The following GLCCI1 variants were observed in gnomAD, a reference collection of about 807,000 sequenced individuals.
GLCCI1 encodes the protein glucocorticoid induced 1.
In GLCCI1, 24 loss-of-function variants were observed where a neutral mutation model predicts 52.2. That is an observed-to-expected ratio of 0.46 (90% CI 0.33 to 0.65). The LOEUF (loss-of-function observed/expected upper bound fraction) is 0.65. Among genes scored for constraint, GLCCI1 ranks in the 30% least tolerant of loss-of-function variants. GLCCI1 has a pLI of 0.02. For synonymous variants in GLCCI1, 310 were observed against 276.5 expected, an observed-to-expected ratio of 1.12 and a Z score of -1.20; for missense variants, 704 against 701.5, an observed-to-expected ratio of 1.00 and a Z score of -0.04.
At chr7:8,077,816 T>G (rs71533388) in intron 6 of GLCCI1, among the ~76,000 whole-genome samples, 18 of 152,154 alleles carry the variant, frequency 1.2e-4, no homozygotes, top group Non-Finnish European at 2.4e-4. Context: ...ACAGAAGGAA[T>G]AGTCTTTATA....
chr7:8,074,190 T>C (rs1397368996), intron 6 of GLCCI1, among the ~76,000 whole-genome samples: 2 of 152,202 alleles, frequency 1.3e-5, no homozygotes, highest in Non-Finnish European at 2.9e-5. Flanking sequence ...TTAAGGAATT[T>C]ATAGTGTAGT....
At chr7:7,998,740 C>A (rs2115422693) in intron 1 of GLCCI1, among the ~76,000 whole-genome samples, 1 of 152,234 alleles carries the variant, frequency 6.6e-6, no homozygotes, top group South Asian at 2.1e-4. Flanking sequence ...TTTGAAGGAG[C>A]TGACTACATG....
intron 1 of GLCCI1, among the ~76,000 whole-genome samples, chr7:7,986,604 T>C (rs1583947759): frequency 6.6e-6 from 1 of 152,352 alleles, no homozygotes; most frequent in Admixed American, 6.5e-5. Flanking sequence ...TCAACAAATT[T>C]TACTCTATAT....
At chr7:8,078,651 T>C (rs1197947642) in intron 6 of GLCCI1, 3 of 151,956 alleles carry the variant, frequency 2.0e-5, no homozygotes, top group Admixed American at 1.3e-4. Context: ...ACCACAGGTA[T>C]AGGGCAAAGA....
chr7:8,004,303 C>T (rs566357892), intron 2 of GLCCI1: 75 of 298,106 alleles, frequency 2.5e-4, no homozygotes, highest in South Asian at 1.4e-4. Context: ...GTTGTAGACA[C>T]GTTGTAATTT....
At chr7:8,012,612 T>G (rs1453025802) in intron 2 of GLCCI1, among the ~76,000 whole-genome samples, 3 of 151,262 alleles carry the variant, frequency 2.0e-5, no homozygotes, top group East Asian at 3.9e-4. Flanking sequence ...GCCCGGCTAA[T>G]TTTTTGTATT....
chr7:8,069,023 C>T (rs374168627), intron 5 of GLCCI1, among the ~76,000 whole-genome samples: 2 of 152,176 alleles, frequency 1.3e-5, no homozygotes, highest in South Asian at 2.1e-4. Context: ...ATTGCAGCTG[C>T]GCTCCCTGTC....
chr7:8,086,344 GGCCAGAGCTC>G lies in GLCCI1; in HGVS notation c.1451_1460del (p.Gly484GlufsTer6). 6.2e-7 allele frequency: 1 copy of G among 1,613,808 alleles called. No homozygotes were observed. Among genetic ancestry groups the G allele is most frequent in the Non-Finnish European group, 8.5e-7 (1 of 1,179,938 alleles). On this transcript the variant is annotated frameshift_variant, in exon 8 of 8. Coordinates refer to ENST00000223145, the MANE Select transcript of GLCCI1 (RefSeq NM_138426.4). LOFTEE classifies it high-confidence loss of function. The surrounding 1 kb of genome is among the most constrained non-coding windows in gnomAD (Gnocchi z 4.4). ...TATGCTCAAGAACTCCCCTAACTCT[GGCCAGAGCTC>G]AGCTTTGGCAACTCTGACCGTTGAG...
At chr7:8,067,908 TG>T (rs1782667380) in intron 5 of GLCCI1, among the ~76,000 whole-genome samples, 1 of 152,124 alleles carries the variant, frequency 6.6e-6, no homozygotes, top group African/African-American at 2.4e-5. Context: ...TTAGTGTGGG[TG>T]GGGAAGTTTT....
chr7:8,049,027 A>G (rs1782197800), intron 3 of GLCCI1, among the ~76,000 whole-genome samples: 1 of 152,320 alleles, frequency 6.6e-6, no homozygotes, highest in African/African-American at 2.4e-5. Flanking sequence ...AAATTGAAAA[A>G]GATAGATTTA....
chr7:8,064,853 G>A lies in GLCCI1; in HGVS notation c.966+4605G>A, dbSNP rs113607103. ...CTCCCGAGCAGCTGGCACTACAAGC[G>A]TGTGCCACCATGCCCAGCGAATTTT... On this transcript the variant is annotated intron_variant, in intron 5 of 7. Transcript: ENST00000223145. 3.4e-4 allele frequency among the ~76,000 whole-genome samples: 51 copies of A among 152,136 alleles called. 1 individual carries two copies. Among genetic ancestry groups the A allele is most frequent in the African/African-American group, 7.2e-4 (30 of 41,506 alleles).
chr7:8,060,321 T>G, intron 5 of GLCCI1, 73 bp downstream of exon 5: 1 of 1,198,874 alleles, frequency 8.3e-7, no homozygotes, highest in Non-Finnish European at 1.2e-6. Flanking sequence ...ACTTTCTTGG[T>G]AACAGCTTTG....
At chr7:7,980,826 G>A in intron 1 of GLCCI1, 2 of 686,584 alleles carry the variant, frequency 2.9e-6, no homozygotes, top group Non-Finnish European at 5.4e-6. Flanking sequence ...GACCTTTGTT[G>A]ACAAGGACTT....
intron 6 of GLCCI1, among the ~76,000 whole-genome samples, chr7:8,080,951 A>G (rs1166660244): frequency 6.6e-6 from 1 of 151,102 alleles, no homozygotes; most frequent in Admixed American, 6.6e-5. Context: ...TTGTGGTTAC[A>G]GGCGTAAGCC....
At chr7:8,059,149 AC>A (rs1306702219) in intron 4 of GLCCI1, among the ~76,000 whole-genome samples, 9 of 152,188 alleles carry the variant, frequency 5.9e-5, no homozygotes, top group Non-Finnish European at 7.3e-5. Context: ...CACAGGTCAA[AC>A]CCATGTTGTT....
At chr7:8,083,971 T>C (rs115576653) in intron 6 of GLCCI1, among the ~76,000 whole-genome samples, 5 of 152,306 alleles carry the variant, frequency 3.3e-5, no homozygotes, top group East Asian at 1.9e-4. Flanking sequence ...ATCTTCCCAA[T>C]AGATGAAAAT....
Position 7,969,782 on chromosome 7 carries a change from G to A in GLCCI1, c.432G>A (p.Arg144=). Residue 144 remains arginine, a synonymous_variant, in exon 1 of 8, where the codon CGG becomes CGA. Transcript: ENST00000223145. This position sits in a 1 kb window ranked among gnomAD's most constrained non-coding sequence, Gnocchi z 4.9. ...SHRRSSSPER[R]SPGSPVCRAD... ...GGAGGAGCAGCTCACCTGAGAGACG[G>A]AGCCCCGGCTCGCCCGTGTGCAGAG... is the stretch of plus-strand genomic sequence containing the variant. 1 of 1,485,588 alleles carries A rather than the reference G, an allele frequency of 6.7e-7. No individual in the cohort carries two copies. Among genetic ancestry groups the A allele is most frequent in the Non-Finnish European group, 8.9e-7 (1 of 1,122,260 alleles). 92.0% of individuals were successfully genotyped at this position (1,485,588 alleles called of 1,614,324 possible). A position where few individuals can be genotyped will look rare whatever the true frequency, so the allele number is the denominator to read the frequency against.
At chr7:7,976,304 C>T (rs1394657283) in intron 1 of GLCCI1, among the ~76,000 whole-genome samples, 1 of 151,278 alleles carries the variant, frequency 6.6e-6, no homozygotes, top group Non-Finnish European at 1.5e-5. Context: ...CATGGTGAAA[C>T]CCTGTCTCTA....
Position 8,014,394 on chromosome 7 carries a change from C to T in GLCCI1, c.610-8089C>T, listed in dbSNP as rs756958188. 7.0e-4 allele frequency among the ~76,000 whole-genome samples: 106 copies of T among 152,126 alleles called. 1 individual carries two copies. The highest frequency in any genetic ancestry group is 1.4e-3 in the Non-Finnish European group (98 of 68,018). On this transcript the variant is annotated intron_variant, in intron 2 of 7. Coordinates refer to ENST00000223145, the MANE Select transcript of GLCCI1 (RefSeq NM_138426.4). ...CTGTGAAGCATGTGTGTTTGTTATA[C>T]GTAGAGTACACATGCTTATTTTACT...
Sources: gnomAD v4.1 joint callset for allele counts (sites outside exome capture counted in the v4.1 genomes callset) on GRCh38, gnomAD v4.1.1 for gene constraint, Gnocchi (gnomAD v3.1) non-coding constraint, MANE v1.5 for transcripts, NCBI Gene and HGNC (gene_info 2026-07-23, HGNC 2026-07-21) for gene names.